Variants in RNF17 observed in about 807,000 individuals in gnomAD.
RNF17 encodes the protein spermatogenesis associated 23.
Under a neutral mutation model 200.5 loss-of-function variants are expected in RNF17, and 31 were observed. The ratio of observed to expected loss-of-function variants is 0.15; its 90% CI spans 0.12 to 0.21. The LOEUF (loss-of-function observed/expected upper bound fraction) is 0.21, where lower values mean the gene tolerates loss of function less well. Ranked by LOEUF, RNF17 falls within the 10% of genes least tolerant of loss-of-function variation. RNF17 has a pLI of 1.00. For missense variants in RNF17, 1,628 were observed against 1,905.1 expected (o/e 0.85, Z 2.71); for synonymous variants, 606 against 637.8 (o/e 0.95, Z 0.75).
chr13:24,811,287 C>G (rs1218685525), intron 15 of RNF17, among the ~76,000 whole-genome samples: 2 of 151,984 alleles, frequency 1.3e-5, no homozygotes, highest in Non-Finnish European at 2.9e-5. Flanking sequence ...ACCAATCAGA[C>G]ATAGATTTGG....
chr13:24,831,512 C>G (rs1889395509), intron 17 of RNF17, among the ~76,000 whole-genome samples: 1 of 152,198 alleles, frequency 6.6e-6, no homozygotes, highest in African/African-American at 2.4e-5. Context: ...GATATCTGTA[C>G]TTCCAGATAC....
chr13:24,789,819 C>T, intron 9 of RNF17, 47 bp downstream of exon 9: 1 of 1,017,922 alleles, frequency 9.8e-7, no homozygotes, highest in Non-Finnish European at 1.5e-6. Context: ...TCTGACAGTA[C>T]TTACATTATC....
intron 3 of RNF17, among the ~76,000 whole-genome samples, chr13:24,777,043 A>C (rs561734050): frequency 6.6e-6 from 1 of 152,336 alleles, no homozygotes; most frequent in African/African-American, 2.4e-5. Context: ...AATTTATGTC[A>C]ATTATATCTA....
At chr13:24,811,734 CCA>C (rs201368976) in intron 15 of RNF17, among the ~76,000 whole-genome samples, 34,812 of 151,776 alleles carry the variant, frequency 0.23, 4,410 homozygotes, top group Non-Finnish European at 0.29. Context: ...TTTAGAGTTT[CCA>C]GTTTTTCTGC....
At chr13:24,838,268 G>A (rs1890223567) in intron 18 of RNF17, among the ~76,000 whole-genome samples, 1 of 152,134 alleles carries the variant, frequency 6.6e-6, no homozygotes, top group Non-Finnish European at 1.5e-5. Flanking sequence ...CGAAGAATTG[G>A]TACTAATCCT....
chr13:24,884,187 A>C, downstream of RNF17: 1 of 1,614,204 alleles, frequency 6.2e-7, no homozygotes, highest in Non-Finnish European at 8.5e-7. Flanking sequence ...GAAATGTAAG[A>C]CTTCCAGTCC....
intron 28 of RNF17, 71 bp from the exon 29 acceptor site, chr13:24,864,802 T>C: frequency 9.1e-7 from 1 of 1,100,524 alleles, no homozygotes; most frequent in South Asian, 1.4e-5. Flanking sequence ...CTAAATTTGA[T>C]ATTTGCTGAC....
At chr13:24,821,252 A>G (rs1409283927) in intron 15 of RNF17, among the ~76,000 whole-genome samples, 1 of 152,126 alleles carries the variant, frequency 6.6e-6, no homozygotes, top group Non-Finnish European at 1.5e-5. Flanking sequence ...CATCCTAATG[A>G]CCTCATTTTA....
intron 18 of RNF17, among the ~76,000 whole-genome samples, chr13:24,840,708 G>T (rs192946385): frequency 6.6e-6 from 1 of 151,582 alleles, no homozygotes; most frequent in East Asian, 1.9e-4. Context: ...CTATGAGGAC[G>T]CAAAGGAATG....
intron 16 of RNF17, among the ~76,000 whole-genome samples, chr13:24,827,714 AAAAC>A (rs1433460245): frequency 0.016 from 1,591 of 98,032 alleles, 346 homozygotes; most frequent in African/African-American, 0.073. Flanking sequence ...AAAAAAAAAA[AAAAC>A]AAAAAAAAAA....
At chr13:24,838,750 A>G (rs1381932327) in intron 18 of RNF17, among the ~76,000 whole-genome samples, 1 of 152,188 alleles carries the variant, frequency 6.6e-6, no homozygotes, top group Non-Finnish European at 1.5e-5. Flanking sequence ...ATTCCCTCTG[A>G]GAAGTGGAAC....
At chr13:24,879,156 T>G (rs770185055) in intron 34 of RNF17, 31 bp from the exon 35 acceptor site, 1 of 1,541,534 alleles carries the variant, frequency 6.5e-7, no homozygotes, top group Non-Finnish European at 9.0e-7. Context: ...GACATTACTG[T>G]TTTCTTGACA....
rs553472343 is a variant in RNF17 at position 24,850,003 on chromosome 13, TAC to T, written c.3102-336_3102-335del. Among the ~76,000 whole-genome samples, 6 of 152,314 alleles carry T rather than the reference TAC, an allele frequency of 3.9e-5. No homozygotes were observed. The South Asian group carries it at 1.2e-3, about 32-fold the overall frequency. On this transcript the variant is annotated intron_variant, in intron 22 of 35. Coordinates refer to ENST00000255324, the MANE Select transcript of RNF17 (RefSeq NM_031277.3). ...TCATCATTCCTGTTCTCTTGGAGTT[TAC>T]AGTCTAGTTGACATACATGAAATGT... is the stretch of plus-strand genomic sequence containing the variant.
upstream of RNF17, among the ~76,000 whole-genome samples, chr13:24,761,848 T>C (rs1184081463): frequency 6.6e-6 from 1 of 152,204 alleles, no homozygotes; most frequent in Non-Finnish European, 1.5e-5. Context: ...ATTAATTCAA[T>C]TTCTGGGATT....
At chr13:24,825,930 A>G in intron 16 of RNF17, 158 bp downstream of exon 16, 1 of 980,884 alleles carries the variant, frequency 1.0e-6, no homozygotes, top group Non-Finnish European at 1.2e-6. Flanking sequence ...TTGAAAGGTG[A>G]ATCTATCTTC....
the RNF17 span, among the ~76,000 whole-genome samples, chr13:24,752,919 C>T: frequency 9.2e-5 from 14 of 152,310 alleles, no homozygotes; most frequent in South Asian, 2.3e-3. Flanking sequence ...CTTGATCTGG[C>T]TTCTGTCCTC....
intron 13 of RNF17, among the ~76,000 whole-genome samples, chr13:24,801,418 G>A (rs192938070): frequency 6.6e-6 from 1 of 152,242 alleles, no homozygotes; most frequent in Non-Finnish European, 1.5e-5. Context: ...CGAGATGGGA[G>A]GACCGCTTCG....
At chr13:24,770,114 TC>T (rs1880447789) in intron 2 of RNF17, among the ~76,000 whole-genome samples, 1 of 151,968 alleles carries the variant, frequency 6.6e-6, no homozygotes, top group South Asian at 2.1e-4. Context: ...TATACTAAAA[TC>T]CCATGATTGG....
At chr13:24,766,121 T>A (rs897005775) in intron 1 of RNF17, among the ~76,000 whole-genome samples, 12 of 152,180 alleles carry the variant, frequency 7.9e-5, no homozygotes, top group African/African-American at 2.7e-4. Flanking sequence ...TCTCAGCTAC[T>A]CCGGAGGCCG....
Sources: gnomAD v4.1 joint callset for allele counts (sites outside exome capture counted in the v4.1 genomes callset) on GRCh38, gnomAD v4.1.1 for gene constraint, MANE v1.5 for transcripts, NCBI Gene and HGNC (gene_info 2026-07-23, HGNC 2026-07-21) for gene names.